Variants in BRWD3 observed in about 807,000 individuals in gnomAD.
The protein encoded by BRWD3 is bromodomain and WD repeat-containing protein 3.
BRWD3 carries 10 observed loss-of-function variants against 149.7 expected under a neutral mutation model. The ratio of observed to expected loss-of-function variants is 0.07; its 90% CI spans 0.04 to 0.11. BRWD3 has a LOEUF of 0.11. BRWD3 is among the 10% of genes least tolerant of loss of function. BRWD3 has a pLI of 1.00. For synonymous variants in BRWD3, 504 were observed against 456.7 expected (o/e 1.10, Z -1.32); for missense variants, 940 against 1,373.2 (o/e 0.68, Z 4.99).
At chrX:80,730,421 G>GAAAC (rs1490538813) in intron 12 of BRWD3, among the ~76,000 whole-genome samples, 1 of 107,975 alleles carries the variant, frequency 9.3e-6, no homozygotes, top group Non-Finnish European at 1.9e-5. Context: ...AAGAAAGAAA[G>GAAAC]AAAGAAAGAA....
chrX:80,759,796 C>G (rs1007209130), intron 6 of BRWD3, among the ~76,000 whole-genome samples: 5 of 111,135 alleles, frequency 4.5e-5, no homozygotes, highest in East Asian at 2.8e-4. Flanking sequence ...AGGGCAGTGT[C>G]GAGCATTAGT....
Position 80,686,996 on chromosome X carries a change from C to G in BRWD3, c.3872G>C (p.Cys1291Ser). Residue 1291 changes from cysteine to serine, a missense_variant, in exon 35 of 41, where the codon TGC becomes TCC. Physicochemically the swap from Cys to Ser is moderately radical, Grantham distance 112. Around this residue, in one of 6 missense-constraint regions of BRWD3, gnomAD observed 349 missense variants for 419.6 expected, o/e 0.83. Coordinates refer to ENST00000373275, the MANE Select transcript of BRWD3 (RefSeq NM_153252.5). ...PGTSSGRKVKCRGRRQSLKCN... is the reference protein window; with the variant it reads ...PGTSSGRKVKSRGRRQSLKCN... ...CTTTAAAGACTGTCTTCTGCCTCGG[C>G]ATTTGACCTACAGATTTTAATAGAG... The G allele has an allele frequency of 8.3e-7, 1 of 1,208,138 alleles. No homozygotes were observed. The highest frequency in any genetic ancestry group is 1.1e-6 in the Non-Finnish European group (1 of 893,290).
intron 40 of BRWD3, among the ~76,000 whole-genome samples, chrX:80,680,334 C>T (rs2072426854): frequency 8.9e-6 from 1 of 112,084 alleles, no homozygotes; most frequent in African/African-American, 3.2e-5. Context: ...GATAGACGCA[C>T]ATAATGAATT....
intron 6 of BRWD3, among the ~76,000 whole-genome samples, chrX:80,789,664 C>G (rs896569723): frequency 2.5e-4 from 28 of 111,041 alleles, no homozygotes; most frequent in African/African-American, 8.8e-4. Context: ...GCGTGAGCCA[C>G]CCCGCCTGGC....
chrX:80,703,862 A>C (rs1454623010), intron 23 of BRWD3, among the ~76,000 whole-genome samples: 1 of 112,055 alleles, frequency 8.9e-6, no homozygotes, highest in African/African-American at 3.2e-5. Context: ...ACGTCCCTTG[A>C]CTACCACGTG....
chrX:80,676,301 G>A lies in BRWD3; in HGVS notation c.*308C>T. ...TTAAGAAGCTGAATGCTCCTTTAAT[G>A]TAGTAAATCTGTAGTGTCTGTGTTG... On this transcript the variant is annotated 3_prime_UTR_variant, in exon 41 of 41. Transcript: ENST00000373275. 1 of 308,486 alleles carries A rather than the reference G, an allele frequency of 3.2e-6. No homozygotes were observed. Among genetic ancestry groups the A allele is most frequent in the Non-Finnish European group, 5.7e-6 (1 of 176,601 alleles). 25.4% of individuals were successfully genotyped at this position (308,486 alleles called of 1,213,427 possible). A position where few individuals can be genotyped will look rare whatever the true frequency, so the allele number is the denominator to read the frequency against.
intron 26 of BRWD3, among the ~76,000 whole-genome samples, chrX:80,696,519 T>TACACACACACACACAC (rs560341387): frequency 1.2e-5 from 1 of 82,175 alleles, no homozygotes; most frequent in Non-Finnish European, 2.4e-5. Context: ...ATAACATAAA[T>TACACACACACACACAC]ACACACACAC....
chrX:80,743,065 A>G (rs1370727736), intron 8 of BRWD3, among the ~76,000 whole-genome samples: 3 of 111,535 alleles, frequency 2.7e-5, no homozygotes, highest in East Asian at 2.8e-4. Flanking sequence ...TTTGAGATAC[A>G]TCCCATGAAT....
At chrX:80,705,968 T>C (rs1438221373) in intron 22 of BRWD3, among the ~76,000 whole-genome samples, 5 of 112,390 alleles carry the variant, frequency 4.4e-5, no homozygotes. Flanking sequence ...ACACTGAATT[T>C]ATAAAAAATA....
chrX:80,682,131 T>C, intron 38 of BRWD3, 37 bp from the exon 39 acceptor site: 1 of 1,100,687 alleles, frequency 9.1e-7, no homozygotes, highest in Non-Finnish European at 1.3e-6. Context: ...GCATTTTTTT[T>C]TTTCTGTTAG....
intron 6 of BRWD3, among the ~76,000 whole-genome samples, chrX:80,758,144 A>G (rs910538472): frequency 1.8e-5 from 2 of 111,446 alleles, no homozygotes; most frequent in African/African-American, 6.5e-5. Flanking sequence ...GGTTGTGGTG[A>G]GCCAAGATCG....
intron 38 of BRWD3, 145 bp from the exon 39 acceptor site, chrX:80,682,239 T>C (rs960093252): frequency 1.5e-5 from 9 of 609,616 alleles, no homozygotes; most frequent in East Asian, 3.5e-5. Context: ...AATAGATAAT[T>C]TGACAGTGAA....
At chrX:80,712,529 C>A (rs1488419511) in intron 20 of BRWD3, among the ~76,000 whole-genome samples, 1 of 110,989 alleles carries the variant, frequency 9.0e-6, no homozygotes, top group African/African-American at 3.3e-5. Flanking sequence ...CCTGCCTTGG[C>A]CTCCCAAAGT....
chrX:80,739,844 C>A (rs1015791344), intron 8 of BRWD3, among the ~76,000 whole-genome samples: 3 of 112,071 alleles, frequency 2.7e-5, no homozygotes, highest in Non-Finnish European at 5.6e-5. Flanking sequence ...TGAATGTGGT[C>A]TCTTTCCCAA....
rs375704347 is a variant in BRWD3 at position 80,670,170 on chromosome X, C to T, written c.*6439G>A. Among the ~76,000 whole-genome samples, 140 of 110,281 alleles carry T rather than the reference C, an allele frequency of 1.3e-3. 1 individual carries two copies. Among genetic ancestry groups the T allele is most frequent in the Middle Eastern group, 9.3e-3 (2 of 215 alleles). On this transcript the variant is annotated 3_prime_UTR_variant, in exon 41 of 41. Transcript: ENST00000373275. Reference sequence around the variant, plus strand: ...AGAACTTTGGGGGAAAAATCGATACCGTAAAAAGTTTACTTCATTTAATAT... The same window carrying T: ...AGAACTTTGGGGGAAAAATCGATACTGTAAAAAGTTTACTTCATTTAATAT...
intron 6 of BRWD3, among the ~76,000 whole-genome samples, chrX:80,775,712 C>T (rs2073994092): frequency 9.0e-6 from 1 of 111,725 alleles, no homozygotes; most frequent in African/African-American, 3.2e-5. Context: ...TATTAGAGTC[C>T]CAGTATTGTT....
intron 6 of BRWD3, among the ~76,000 whole-genome samples, chrX:80,756,713 C>T (rs2073744850): frequency 9.0e-6 from 1 of 110,789 alleles, no homozygotes. Context: ...GAGTATTTTA[C>T]TGGGAAGAAC....
chrX:80,798,232 G>C (rs1467384845), intron 4 of BRWD3, among the ~76,000 whole-genome samples: 1 of 111,489 alleles, frequency 9.0e-6, no homozygotes, highest in East Asian at 2.8e-4. Flanking sequence ...ACATTAGCAG[G>C]CTTCCAAACT....
chrX:80,709,629 C>T, intron 20 of BRWD3, 52 bp from the exon 21 acceptor site: 1 of 1,118,701 alleles, frequency 8.9e-7, no homozygotes. Context: ...TCAGTAAACA[C>T]ACAAGGAACA....
Sources: allele counts gnomAD v4.1 joint callset (sites outside exome capture counted in the v4.1 genomes callset), GRCh38; gene constraint gnomAD v4.1.1; regional missense constraint gnomAD v4.1.1; transcripts MANE v1.5; gene names NCBI Gene and HGNC (gene_info 2026-07-23, HGNC 2026-07-21).